CDIN1: variants seen among roughly 807,000 people sequenced by gnomAD.
CDIN1 encodes the protein CDAN1 interacting nuclease 1.
In CDIN1, 33 loss-of-function variants were observed where a neutral mutation model predicts 45.3. The observed-to-expected ratio is 0.73, with a 90% confidence interval of 0.55 to 0.97. The LOEUF (loss-of-function observed/expected upper bound fraction) is 0.97. CDIN1 is among the 50% of genes least tolerant of loss of function. The pLI, the probability that CDIN1 is intolerant of heterozygous loss-of-function variation, is 0.00. For synonymous variants in CDIN1, 118 were observed against 124.4 expected (o/e 0.95, Z 0.34); for missense variants, 303 against 339.4 (o/e 0.89, Z 0.84).
chr15:36,766,339 T>C (rs2053923521), intron 10 of CDIN1, among the ~76,000 whole-genome samples: 1 of 152,206 alleles, frequency 6.6e-6, no homozygotes, highest in East Asian at 1.9e-4. Flanking sequence ...CATATCTTAG[T>C]TACTGTGAAT....
intron 10 of CDIN1, among the ~76,000 whole-genome samples, chr15:36,800,909 G>GTCTATATA (rs1156514805): frequency 4.5e-5 from 1 of 22,374 alleles, no homozygotes; most frequent in Non-Finnish European, 1.2e-4. Flanking sequence ...GTGTGTGTGT[G>GTCTATATA]TATATATATA....
At chr15:36,645,057 A>G (rs973731390) in intron 2 of CDIN1, among the ~76,000 whole-genome samples, 166 bp from the exon 3 acceptor site, 2 of 152,216 alleles carry the variant, frequency 1.3e-5, no homozygotes, top group African/African-American at 4.8e-5. Context: ...GCATAGGATC[A>G]TAGAGTAGAA....
chr15:36,589,238 G>A (rs2037451785), intron 1 of CDIN1, among the ~76,000 whole-genome samples: 1 of 152,182 alleles, frequency 6.6e-6, no homozygotes, highest in Admixed American at 6.5e-5. Context: ...ATCAATATAT[G>A]CTTTACTAGA....
chr15:36,709,925 C>G lies in CDIN1; in HGVS notation c.680C>G (p.Ala227Gly). 6.2e-7 allele frequency: 1 copy of G among 1,613,214 alleles called. No homozygotes were observed. The highest frequency in any genetic ancestry group is 8.5e-7 in the Non-Finnish European group (1 of 1,179,380). ...ASFGDECSHHAYLHDQFWSYW... is the reference protein window; with the variant it reads ...ASFGDECSHHGYLHDQFWSYW... ...TTTGGTGATGAATGTAGCCACCACG[C>G]CTACCTGCATGACCAGTTCTGGAGC... The change falls in exon 10 of 11, where the codon GCC (alanine) becomes GGC (glycine). Residue 227 changes from alanine (A) to glycine (G), a missense_variant. Ala to Gly is a moderately conservative substitution (Grantham distance 60). Coordinates refer to ENST00000566621, the MANE Select transcript of CDIN1 (RefSeq NM_001321759.2).
intron 10 of CDIN1, 82 bp from the exon 11 acceptor site, chr15:36,808,242 A>T: frequency 1.9e-6 from 3 of 1,560,620 alleles, no homozygotes; most frequent in South Asian, 2.4e-5. Flanking sequence ...TCATTTAATC[A>T]TCTTATCAGT....
At chr15:36,768,012 G>A (rs956589976) in intron 10 of CDIN1, among the ~76,000 whole-genome samples, 1 of 152,134 alleles carries the variant, frequency 6.6e-6, no homozygotes, top group Non-Finnish European at 1.5e-5. Flanking sequence ...CTCATATATT[G>A]TGCTCATTGC....
chr15:36,741,938 C>T (rs1014616663), intron 10 of CDIN1, among the ~76,000 whole-genome samples: 9 of 152,032 alleles, frequency 5.9e-5, no homozygotes, highest in South Asian at 4.2e-4. Flanking sequence ...TGGAGTAAAA[C>T]GAGGGCTGTC....
At chr15:36,748,967 G>A (rs1196794191) in intron 10 of CDIN1, among the ~76,000 whole-genome samples, 1 of 152,144 alleles carries the variant, frequency 6.6e-6, no homozygotes, top group Admixed American at 6.5e-5. Flanking sequence ...GGTTTGACAA[G>A]AGGATATAAA....
chr15:36,593,667 C>T (rs1173845514), intron 1 of CDIN1, among the ~76,000 whole-genome samples: 1 of 152,084 alleles, frequency 6.6e-6, no homozygotes, highest in African/African-American at 2.4e-5. Flanking sequence ...GGGTTCACAG[C>T]ATTCTCCTGC....
chr15:36,750,203 T>C (rs2053422875), intron 10 of CDIN1, among the ~76,000 whole-genome samples: 1 of 152,176 alleles, frequency 6.6e-6, no homozygotes, highest in African/African-American at 2.4e-5. Context: ...CATTTTTGTA[T>C]GTTCCTTATG....
intron 1 of CDIN1, among the ~76,000 whole-genome samples, chr15:36,631,259 A>G (rs545235895): frequency 6.6e-6 from 1 of 152,248 alleles, no homozygotes; most frequent in East Asian, 1.9e-4. Context: ...GAATGGCTTT[A>G]TGGAGATATT....
chr15:36,606,324 A>G (rs2038378083), intron 1 of CDIN1, among the ~76,000 whole-genome samples: 1 of 152,168 alleles, frequency 6.6e-6, no homozygotes, highest in South Asian at 2.1e-4. Context: ...GCTCATAAAG[A>G]TGACTGAAAG....
chr15:36,612,180 G>A (rs534845927), intron 1 of CDIN1, among the ~76,000 whole-genome samples: 10 of 152,268 alleles, frequency 6.6e-5, no homozygotes, highest in South Asian at 4.1e-4. Context: ...CAGAGTAAGC[G>A]TAAGTTTCAT....
At chr15:36,644,354 C>G (rs768172336) in intron 2 of CDIN1, 31 bp downstream of exon 2, 1 of 1,599,032 alleles carries the variant, frequency 6.3e-7, no homozygotes, top group South Asian at 1.1e-5. Flanking sequence ...TGAGGGTTGA[C>G]AGGTGCCTAA....
chr15:36,587,636 C>T (rs772387447), intron 1 of CDIN1, among the ~76,000 whole-genome samples: 2 of 152,194 alleles, frequency 1.3e-5, no homozygotes, highest in African/African-American at 4.8e-5. Flanking sequence ...AACAATCCCT[C>T]CCACCCCCAA....
intron 10 of CDIN1, among the ~76,000 whole-genome samples, chr15:36,760,895 TTTC>T (rs1463621818): frequency 2.0e-5 from 3 of 152,226 alleles, no homozygotes; most frequent in Non-Finnish European, 4.4e-5. Context: ...ATTGTAGCAA[TTTC>T]TTCTTCTGCA....
intron 10 of CDIN1, among the ~76,000 whole-genome samples, chr15:36,713,122 C>A (rs184036798): frequency 1.3e-5 from 2 of 152,212 alleles, no homozygotes; most frequent in African/African-American, 2.4e-5. Flanking sequence ...TAATGTGTGA[C>A]CTTTCAAAGA....
intron 10 of CDIN1, among the ~76,000 whole-genome samples, chr15:36,756,502 T>C (rs2053613529): frequency 1.3e-5 from 2 of 152,240 alleles, no homozygotes; most frequent in African/African-American, 2.4e-5. Flanking sequence ...TGTCACAGCC[T>C]TTCAAGTTTC....
chr15:36,798,445 T>G (rs766581570), intron 10 of CDIN1, among the ~76,000 whole-genome samples: 1 of 152,242 alleles, frequency 6.6e-6, no homozygotes. Context: ...TCATTAAATA[T>G]TTCTTGTGAC....
Sources: gnomAD v4.1 joint callset for allele counts (sites outside exome capture counted in the v4.1 genomes callset) on GRCh38, gnomAD v4.1.1 for gene constraint, MANE v1.5 for transcripts, NCBI Gene and HGNC (gene_info 2026-07-23, HGNC 2026-07-21) for gene names.